Variants in EXOC6 observed in about 807,000 individuals in gnomAD.
The protein encoded by EXOC6 is exocyst complex component 6.
A neutral mutation model predicts 112.5 loss-of-function variants in EXOC6; 60 were observed. The observed-to-expected ratio is 0.53, with a 90% CI of 0.43 to 0.66. EXOC6 has a LOEUF of 0.66. Among genes scored for constraint, EXOC6 ranks in the 30% least tolerant of loss-of-function variants. The probability of loss-of-function intolerance (pLI) is 0.00; values close to 1 mark genes in which losing one functional copy is unlikely to be tolerated. For synonymous variants in EXOC6, 295 were observed against 308.0 expected (o/e 0.96, Z 0.44); for missense variants, 855 against 957.1 (o/e 0.89, Z 1.41).
intron 1 of EXOC6, among the ~76,000 whole-genome samples, chr10:92,864,724 C>G (rs1351412691): frequency 6.6e-6 from 1 of 152,010 alleles, no homozygotes; most frequent in East Asian, 1.9e-4. Flanking sequence ...TCTGTCTTCT[C>G]TGGCCCATGG....
At chr10:92,987,862 AC>A (rs1843072647) in intron 18 of EXOC6, among the ~76,000 whole-genome samples, 3 of 151,872 alleles carry the variant, frequency 2.0e-5, no homozygotes, top group African/African-American at 7.3e-5. Flanking sequence ...CACTGCACTC[AC>A]CTCAAATGCA....
At chr10:93,047,948 A>AAAAC (rs957410556) in intron 20 of EXOC6, among the ~76,000 whole-genome samples, 7 of 152,214 alleles carry the variant, frequency 4.6e-5, no homozygotes, top group Non-Finnish European at 1.0e-4. Flanking sequence ...TCCATCTCAA[A>AAAAC]AAACAAACAA....
At chr10:92,846,913 A>C (rs1847072745), upstream of EXOC6, among the ~76,000 whole-genome samples, 1 of 152,258 alleles carries the variant, frequency 6.6e-6, no homozygotes, top group South Asian at 2.1e-4. Context: ...CATCTTTTCC[A>C]GCCTAAGTCA....
At chr10:92,881,754 G>A (rs1166054060) in intron 1 of EXOC6, among the ~76,000 whole-genome samples, 1 of 152,072 alleles carries the variant, frequency 6.6e-6, no homozygotes, top group Non-Finnish European at 1.5e-5. Context: ...TCATGAGATG[G>A]ACCAGGTGGA....
upstream of EXOC6, chr10:92,834,701 T>C (rs1300874244): frequency 1.3e-6 from 2 of 1,538,126 alleles, no homozygotes; most frequent in South Asian, 1.2e-5. Flanking sequence ...ACTCAATATC[T>C]GACATCTGCA....
intron 18 of EXOC6, chr10:92,987,504 C>G: frequency 3.5e-6 from 1 of 281,988 alleles, no homozygotes; most frequent in Non-Finnish European, 5.3e-6. Context: ...ACAGAAAGAA[C>G]TTGCTTGTTT....
At chr10:92,954,574 TTAAC>T (rs1853588861) in intron 15 of EXOC6, 52 bp from the exon 16 acceptor site, 2 of 827,718 alleles carry the variant, frequency 2.4e-6, no homozygotes, top group East Asian at 2.6e-5. Context: ...ATTTAGGATG[TTAAC>T]TAACCACATT....
intron 1 of EXOC6, among the ~76,000 whole-genome samples, chr10:92,865,616 A>AT (rs891892499): frequency 3.5e-4 from 52 of 147,666 alleles, no homozygotes; most frequent in African/African-American, 4.4e-4. Flanking sequence ...TAATTTTTGC[A>AT]TTTTTTTTTT....
intron 9 of EXOC6, among the ~76,000 whole-genome samples, chr10:92,932,312 A>G (rs1183426837): frequency 1.3e-5 from 2 of 152,160 alleles, no homozygotes; most frequent in East Asian, 1.9e-4. Context: ...ATAATTCTCT[A>G]CAAAAGAGCA....
chr10:92,944,272 T>C (rs1319055935), intron 13 of EXOC6, among the ~76,000 whole-genome samples: 1 of 152,120 alleles, frequency 6.6e-6, no homozygotes, highest in Non-Finnish European at 1.5e-5. Flanking sequence ...GTCTTTGCTC[T>C]ATCACCCAGG....
At position 92,848,738 on chromosome 10, in the gene EXOC6, A is replaced by G. The variant is rs1403928547; in HGVS notation, c.101+104A>G. ...CGCCGGCCGCGCGCGAAGCTCCCCGACAGGTGGTGCGCGCGGGGGCGGGCG... is the reference window on the plus strand; with the variant it reads ...CGCCGGCCGCGCGCGAAGCTCCCCGGCAGGTGGTGCGCGCGGGGGCGGGCG... On this transcript the variant is annotated intron_variant, in intron 1 of 21. Coordinates refer to ENST00000260762, the MANE Select transcript of EXOC6 (RefSeq NM_019053.6). 4 of 946,174 alleles carry G rather than the reference A, an allele frequency of 4.2e-6. No homozygotes were observed. In the East Asian group the frequency reaches 2.6e-4, roughly 62 times the overall value. The allele number at this position is 946,174 out of a possible 1,614,324, so 58.6% of individuals were successfully genotyped here.
chr10:92,938,988 CTA>C (rs891198956), intron 12 of EXOC6, among the ~76,000 whole-genome samples: 61 of 151,996 alleles, frequency 4.0e-4, no homozygotes, highest in Non-Finnish European at 5.7e-4. Context: ...CATGTGTAAA[CTA>C]TAGATAAAAG....
chr10:92,971,268 T>G (rs1373383435), intron 17 of EXOC6, among the ~76,000 whole-genome samples: 1 of 152,156 alleles, frequency 6.6e-6, no homozygotes, highest in African/African-American at 2.4e-5. Context: ...ATGGTCTTGA[T>G]CTCCTGACCC....
In EXOC6 at chr10:92,929,218, C is replaced by A. The variant is rs116867956; in HGVS notation, c.972+796C>A. 2.6e-5 allele frequency among the ~76,000 whole-genome samples: 4 copies of A among 152,140 alleles called. No individual in the cohort carries two copies. In the South Asian group the frequency reaches 8.3e-4, roughly 31 times the overall value. On this transcript the variant is annotated intron_variant, in intron 9 of 21. Transcript: ENST00000260762. The stretch of plus-strand genomic sequence containing the variant: ...CTAAAAATCCTTCTGTTCCCTCTGG[C>A]GAATACTGTAAGGAAAATTACCTAT...
chr10:92,858,460 G>A (rs950146207), intron 1 of EXOC6, among the ~76,000 whole-genome samples: 6 of 149,638 alleles, frequency 4.0e-5, no homozygotes, highest in African/African-American at 1.5e-4. Context: ...TTTCTCTCTT[G>A]TTCTCTGATT....
intron 9 of EXOC6, among the ~76,000 whole-genome samples, chr10:92,929,248 A>T (rs1851888663): frequency 6.6e-6 from 1 of 152,238 alleles, no homozygotes; most frequent in African/African-American, 2.4e-5. Flanking sequence ...ACCTATCTCA[A>T]ATCTTGCTGA....
chr10:92,915,923 GTCTT>G lies in EXOC6; in HGVS notation c.819+20_819+23del, dbSNP rs760799706. 37 of 1,505,978 alleles carry G rather than the reference GTCTT, an allele frequency of 2.5e-5. No individual in the cohort carries two copies. Among genetic ancestry groups the G allele is most frequent in the Non-Finnish European group, 3.2e-5 (36 of 1,135,672 alleles). The allele number at this position is 1,505,978 out of a possible 1,614,324, so 93.3% of individuals were successfully genotyped here. ...TGAGAATGAAGAAGAGGTGATAGGT[GTCTT>G]TCTTTCTTTTCTATTATTAGATAAT... On this transcript the variant is annotated intron_variant, in intron 7 of 21. Coordinates refer to ENST00000260762, the MANE Select transcript of EXOC6 (RefSeq NM_019053.6).
chr10:92,884,822 G>GT lies in EXOC6; in HGVS notation c.102-8520dup, dbSNP rs574819743. On this transcript the variant is annotated intron_variant, in intron 1 of 21. Coordinates refer to ENST00000260762, the MANE Select transcript of EXOC6 (RefSeq NM_019053.6). ...ACAAAAAATATATAAAAAGTGATGA[G>GT]TTTTTTTCACAATAATACATCGTGA... 7.8e-4 allele frequency among the ~76,000 whole-genome samples: 118 copies of GT among 152,102 alleles called. 1 individual carries two copies. Among genetic ancestry groups the GT allele is most frequent in the African/African-American group, 2.7e-3 (112 of 41,494 alleles).
chr10:92,859,973 A>G (rs150665334), intron 1 of EXOC6, among the ~76,000 whole-genome samples: 2 of 152,194 alleles, frequency 1.3e-5, no homozygotes, highest in African/African-American at 4.8e-5. Context: ...CACCAGGTAA[A>G]GGAAGCTACT....
Sources: allele counts gnomAD v4.1 joint callset (sites outside exome capture counted in the v4.1 genomes callset), GRCh38; gene constraint gnomAD v4.1.1; transcripts MANE v1.5; gene names NCBI Gene and HGNC (gene_info 2026-07-23, HGNC 2026-07-21).